Variants in CNTNAP5 observed in about 807,000 individuals in gnomAD.
CNTNAP5 encodes the protein contactin associated protein family member 5, also known as contactin-associated protein-like 5.
CNTNAP5 carries 72 observed loss-of-function variants against 150.2 expected under a neutral mutation model. The observed-to-expected ratio is 0.48, with a 90% CI of 0.40 to 0.58. The LOEUF (loss-of-function observed/expected upper bound fraction) is 0.58, where lower values mean the gene tolerates loss of function less well. Among genes scored for constraint, CNTNAP5 ranks in the 20% least tolerant of loss-of-function variants. CNTNAP5 has a pLI of 0.00. For synonymous variants in CNTNAP5, 672 were observed against 619.8 expected, an observed-to-expected ratio of 1.08 and a Z score of -1.25; for missense variants, 1,636 against 1,626.2, an observed-to-expected ratio of 1.01 and a Z score of -0.10.
chr2:124,579,397 A>T (rs1319552963), intron 11 of CNTNAP5, among the ~76,000 whole-genome samples: 1 of 152,224 alleles, frequency 6.6e-6, no homozygotes, highest in Non-Finnish European at 1.5e-5. Flanking sequence ...GTATCTGTGC[A>T]GCTGCTGGAA....
chr2:124,163,774 G>T (rs1684743686), intron 1 of CNTNAP5, among the ~76,000 whole-genome samples: 1 of 151,696 alleles, frequency 6.6e-6, no homozygotes, highest in Admixed American at 6.6e-5. Flanking sequence ...GTTAAGGAAA[G>T]GAGAAATAAA....
intron 14 of CNTNAP5, among the ~76,000 whole-genome samples, chr2:124,757,593 C>G (rs868764193): frequency 6.6e-6 from 1 of 152,188 alleles, no homozygotes; most frequent in Admixed American, 6.5e-5. Flanking sequence ...AAATGATAAA[C>G]CTTGAGAAGT....
At chr2:124,086,290 G>C (rs1459438331) in intron 1 of CNTNAP5, among the ~76,000 whole-genome samples, 1 of 144,294 alleles carries the variant, frequency 6.9e-6, no homozygotes, top group Non-Finnish European at 1.5e-5. Flanking sequence ...TCCGCCTCCC[G>C]GCTCCCGGGT....
At chr2:124,634,396 T>A (rs183943010) in intron 12 of CNTNAP5, among the ~76,000 whole-genome samples, 7 of 152,306 alleles carry the variant, frequency 4.6e-5, no homozygotes, top group South Asian at 2.1e-4. Flanking sequence ...AGGGGCACAA[T>A]GCTACCATGT....
At chr2:124,052,889 C>A (rs1321681018) in intron 1 of CNTNAP5, among the ~76,000 whole-genome samples, 1 of 152,180 alleles carries the variant, frequency 6.6e-6, no homozygotes, top group Non-Finnish European at 1.5e-5. Context: ...CCCTCCTTTG[C>A]TAATGCCATT....
intron 19 of CNTNAP5, among the ~76,000 whole-genome samples, chr2:124,864,967 T>C (rs1439689398): frequency 6.6e-6 from 1 of 152,080 alleles, no homozygotes; most frequent in Non-Finnish European, 1.5e-5. Context: ...GTGGTAGGAA[T>C]TGAAGAGAAA....
rs933813237 is a variant in CNTNAP5 at position 124,548,447 on chromosome 2, T to A, written c.1650-14770T>A. 3.9e-5 allele frequency among the ~76,000 whole-genome samples: 6 copies of A among 152,218 alleles called. No homozygotes were observed. The East Asian group carries it at 1.2e-3, about 29-fold the overall frequency. On this transcript the variant is annotated intron_variant, in intron 10 of 23. Transcript: ENST00000682447. Reference sequence around the variant, plus strand: ...GCCCAGTTCACTCCATGAAACCAGGTTTGCTGTTCACAAGGACAGGACACT... The same window carrying A: ...GCCCAGTTCACTCCATGAAACCAGGATTGCTGTTCACAAGGACAGGACACT...
intron 12 of CNTNAP5, among the ~76,000 whole-genome samples, chr2:124,622,904 A>G (rs1394132800): frequency 6.6e-6 from 1 of 152,198 alleles, no homozygotes; most frequent in Non-Finnish European, 1.5e-5. Flanking sequence ...TATTGCACAG[A>G]ATATCTACAG....
chr2:124,070,396 G>GAAAAAAAAAAA (rs70996039), intron 1 of CNTNAP5, among the ~76,000 whole-genome samples: 4 of 72,964 alleles, frequency 5.5e-5, no homozygotes, highest in South Asian at 5.5e-4. Context: ...GCTGAATGGG[G>GAAAAAAAAAAA]AAAAAAAAAA....
intron 5 of CNTNAP5, among the ~76,000 whole-genome samples, chr2:124,446,374 A>T (rs1692816458): frequency 6.6e-6 from 1 of 152,162 alleles, no homozygotes; most frequent in African/African-American, 2.4e-5. Flanking sequence ...TCCTCCTCCC[A>T]GGCACGGCTC....
intron 3 of CNTNAP5, among the ~76,000 whole-genome samples, chr2:124,294,063 G>C (rs1688363822): frequency 6.6e-6 from 1 of 152,006 alleles, no homozygotes; most frequent in Admixed American, 6.6e-5. Context: ...GGGTAGGGTG[G>C]AAGGAGGCTG....
chr2:124,871,215 A>C (rs1364236003), intron 21 of CNTNAP5, among the ~76,000 whole-genome samples: 1 of 151,852 alleles, frequency 6.6e-6, no homozygotes, highest in African/African-American at 2.4e-5. Flanking sequence ...CTTTTTAACT[A>C]AATTCTTTTG....
intron 3 of CNTNAP5, among the ~76,000 whole-genome samples, chr2:124,298,981 A>G (rs557986856): frequency 2.4e-4 from 37 of 152,328 alleles, no homozygotes; most frequent in African/African-American, 8.7e-4. Flanking sequence ...TTAGCTAAAC[A>G]TGGGGGATCC....
At chr2:124,394,746 T>C (rs538997694) in intron 3 of CNTNAP5, among the ~76,000 whole-genome samples, 4 of 152,166 alleles carry the variant, frequency 2.6e-5, no homozygotes, top group African/African-American at 9.7e-5. Flanking sequence ...CTTGCCCAAG[T>C]CTCATTGTGG....
chr2:124,779,610 T>C (rs191049458), intron 17 of CNTNAP5, among the ~76,000 whole-genome samples: 1 of 152,360 alleles, frequency 6.6e-6, no homozygotes. Flanking sequence ...GAGAATTAGC[T>C]ATAAAATAAT....
chr2:124,910,009 T>C (rs1221822999), intron 22 of CNTNAP5, among the ~76,000 whole-genome samples: 1 of 151,694 alleles, frequency 6.6e-6, no homozygotes, highest in African/African-American at 2.4e-5. Context: ...CAGCACCTTC[T>C]TTAATTACAA....
rs546876392 is a variant in CNTNAP5 at position 124,347,057 on chromosome 2, C to T, written c.382-70386C>T. ...GAGCCAAGATCATGCCACTGCACTC[C>T]AGCCTGGGTGACAGAGGGAGACTCC... On this transcript the variant is annotated intron_variant, in intron 3 of 23. Transcript: ENST00000682447. Among the ~76,000 whole-genome samples the T allele has an allele frequency of 2.0e-5, 3 of 152,072 alleles. No homozygotes were observed. The East Asian group carries it at 5.8e-4, about 29-fold the overall frequency.
intron 5 of CNTNAP5, among the ~76,000 whole-genome samples, chr2:124,445,759 AT>A (rs1429360784): frequency 6.6e-6 from 1 of 152,230 alleles, no homozygotes; most frequent in Non-Finnish European, 1.5e-5. Context: ...GGAGACAGAC[AT>A]TTAGCTTTCA....
intron 1 of CNTNAP5, among the ~76,000 whole-genome samples, chr2:124,089,548 C>A (rs913830908): frequency 6.6e-6 from 1 of 152,116 alleles, no homozygotes; most frequent in African/African-American, 2.4e-5. Flanking sequence ...CTAATACTTT[C>A]AAGGTAGCAA....
Sources: gnomAD v4.1 joint callset for allele counts (sites outside exome capture counted in the v4.1 genomes callset) on GRCh38, gnomAD v4.1.1 for gene constraint, MANE v1.5 for transcripts, NCBI Gene and HGNC (gene_info 2026-07-23, HGNC 2026-07-21) for gene names.